Variants in DENND1A observed in about 807,000 individuals in gnomAD.
DENND1A encodes the protein DENN domain-containing protein 1A.
Under a neutral mutation model 113.7 loss-of-function variants are expected in DENND1A, and 51 were observed. That is an observed-to-expected ratio of 0.45 (90% CI 0.36 to 0.57). DENND1A has a LOEUF of 0.57. DENND1A is among the 20% of genes least tolerant of loss of function. The pLI, the probability that DENND1A is intolerant of heterozygous loss-of-function variation, is 0.00. For synonymous variants in DENND1A, 565 were observed against 570.8 expected (o/e 0.99, Z 0.14); for missense variants, 1,258 against 1,395.9 (o/e 0.90, Z 1.57).
intron 13 of DENND1A, among the ~76,000 whole-genome samples, chr9:123,460,810 C>G (rs1347709447): frequency 6.6e-6 from 1 of 152,248 alleles, no homozygotes; most frequent in African/African-American, 2.4e-5. Context: ...TAGACCACAT[C>G]ACTATCCTAC....
At chr9:123,618,890 T>C (rs1042545262) in intron 10 of DENND1A, among the ~76,000 whole-genome samples, 1 of 152,254 alleles carries the variant, frequency 6.6e-6, no homozygotes, top group Non-Finnish European at 1.5e-5. Context: ...AACCCATTTT[T>C]ATAGACCTTT....
rs540466597 is a variant in DENND1A at position 123,603,238 on chromosome 9, C to T, written c.765+6198G>A. ...AAAGAAAAAACTAGTTAAAATAGTG[C>T]CAACTCAATTGACAGAAATTCCAGT... is the stretch of plus-strand genomic sequence containing the variant. On this transcript the variant is annotated intron_variant, in intron 11 of 23. Transcript: ENST00000394215. Among the ~76,000 whole-genome samples the T allele has an allele frequency of 8.5e-5, 13 of 152,256 alleles. No homozygotes were observed. In the South Asian group the frequency reaches 2.3e-3, roughly 27 times the overall value.
At chr9:123,538,855 T>TATATATATATACAC (rs1564676522) in intron 13 of DENND1A, among the ~76,000 whole-genome samples, 1 of 101,288 alleles carries the variant, frequency 9.9e-6, no homozygotes, top group African/African-American at 3.9e-5. Flanking sequence ...TATATATATA[T>TATATATATATACAC]ATATGAATTC....
chr9:123,457,910 G>A lies in DENND1A; in HGVS notation c.994-13C>T. ...TGATCGGCTCCTCCTGGGAAGTGCA[G>A]AGGGGAGAGGTGGGTCAGTGGCACG... On this transcript the variant is annotated splice_polypyrimidine_tract_variant and intron_variant, in intron 13 of 23. Coordinates refer to ENST00000394215, the MANE Select transcript of DENND1A (RefSeq NM_001352964.2). 1 of 1,600,182 alleles carries A rather than the reference G, an allele frequency of 6.2e-7. No individual in the cohort carries two copies. The highest frequency in any genetic ancestry group is 1.1e-5 in the South Asian group (1 of 88,846).
At chr9:123,670,331 T>A (rs2063705492) in intron 7 of DENND1A, among the ~76,000 whole-genome samples, 1 of 152,206 alleles carries the variant, frequency 6.6e-6, no homozygotes. Flanking sequence ...TAATAATCAA[T>A]ACTTGGTCAA....
chr9:123,854,516 T>G (rs1843853829), intron 2 of DENND1A, among the ~76,000 whole-genome samples: 2 of 151,700 alleles, frequency 1.3e-5, no homozygotes, highest in Non-Finnish European at 2.9e-5. Flanking sequence ...GCCAACATAG[T>G]AAAACCTAGC....
intron 19 of DENND1A, among the ~76,000 whole-genome samples, chr9:123,437,129 C>T (rs1351126780): frequency 1.3e-5 from 2 of 152,218 alleles, no homozygotes; most frequent in African/African-American, 4.8e-5. Context: ...CTTTATCCCT[C>T]TGATTGGGCC....
At chr9:123,617,098 G>C (rs962110497) in intron 10 of DENND1A, among the ~76,000 whole-genome samples, 1 of 152,224 alleles carries the variant, frequency 6.6e-6, no homozygotes, top group East Asian at 1.9e-4. Context: ...CAGCTGGTGA[G>C]AAGTAGAAAG....
At chr9:123,827,966 A>G (rs1012775833) in intron 2 of DENND1A, among the ~76,000 whole-genome samples, 6 of 152,202 alleles carry the variant, frequency 3.9e-5, no homozygotes, top group Admixed American at 2.6e-4. Flanking sequence ...GGTTTTGAAT[A>G]TACAACAATT....
intron 13 of DENND1A, among the ~76,000 whole-genome samples, chr9:123,467,936 A>C (rs2049090932): frequency 6.6e-6 from 1 of 152,006 alleles, no homozygotes; most frequent in Non-Finnish European, 1.5e-5. Context: ...CATTTTGTGC[A>C]CTCTCACTCC....
intron 2 of DENND1A, among the ~76,000 whole-genome samples, chr9:123,842,488 G>C (rs1026706616): frequency 6.6e-6 from 1 of 152,002 alleles, no homozygotes; most frequent in Non-Finnish European, 1.5e-5. Flanking sequence ...AAGAGAGAGA[G>C]AGAATGCTAT....
chr9:123,434,884 G>A (rs907338010), intron 19 of DENND1A, among the ~76,000 whole-genome samples: 1 of 152,210 alleles, frequency 6.6e-6, no homozygotes, highest in African/African-American at 2.4e-5. Context: ...GGGGACTACA[G>A]GGAGTACCAG....
At position 123,756,559 on chromosome 9, in the gene DENND1A, A is replaced by G. The variant is rs1360762940; in HGVS notation, c.302+1144T>C. Reference sequence around the variant, plus strand: ...CCCCAGCAGTCATCCTCCTGTGCCCAGGTTACAAATGCTATGCTTGGTGCA... The same window carrying G: ...CCCCAGCAGTCATCCTCCTGTGCCCGGGTTACAAATGCTATGCTTGGTGCA... On this transcript the variant is annotated intron_variant, in intron 5 of 23. Transcript: ENST00000394215. 2.0e-5 allele frequency among the ~76,000 whole-genome samples: 3 copies of G among 152,198 alleles called. No individual in the cohort carries two copies. The East Asian group carries it at 5.8e-4, about 29-fold the overall frequency.
At chr9:123,455,233 C>A (rs929076463) in intron 15 of DENND1A, among the ~76,000 whole-genome samples, 12 of 152,210 alleles carry the variant, frequency 7.9e-5, no homozygotes, top group African/African-American at 2.4e-4. Flanking sequence ...TCAAACAGAG[C>A]TGATCATGCA....
chr9:123,802,766 G>A (rs1030779478), intron 2 of DENND1A, among the ~76,000 whole-genome samples: 30 of 150,662 alleles, frequency 2.0e-4, no homozygotes, highest in Non-Finnish European at 3.8e-4. Context: ...TCAATGGCGC[G>A]ATCTCGGCTC....
intron 9 of DENND1A, among the ~76,000 whole-genome samples, chr9:123,649,684 G>C (rs2062539184): frequency 6.6e-6 from 1 of 152,116 alleles, no homozygotes; most frequent in African/African-American, 2.4e-5. Context: ...TTTTGCCTTA[G>C]TTTTCAAATG....
intron 5 of DENND1A, among the ~76,000 whole-genome samples, chr9:123,697,054 T>G (rs2065566646): frequency 6.6e-6 from 1 of 152,190 alleles, no homozygotes. Context: ...AAAGGGGCAT[T>G]TCTTTTGCAT....
intron 13 of DENND1A, among the ~76,000 whole-genome samples, chr9:123,508,132 G>C (rs1043965567): frequency 5.3e-5 from 8 of 152,192 alleles, no homozygotes; most frequent in African/African-American, 1.9e-4. Flanking sequence ...GCCTCAGCTA[G>C]ACTTAGTAAG....
chr9:123,669,034 A>G (rs1183285693), intron 7 of DENND1A, among the ~76,000 whole-genome samples: 1 of 152,214 alleles, frequency 6.6e-6, no homozygotes, highest in Non-Finnish European at 1.5e-5. Context: ...CTACTTCAAA[A>G]CTGTTATGAA....
Sources: allele counts gnomAD v4.1 joint callset (sites outside exome capture counted in the v4.1 genomes callset), GRCh38; gene constraint gnomAD v4.1.1; transcripts MANE v1.5; gene names NCBI Gene and HGNC (gene_info 2026-07-23, HGNC 2026-07-21).